RAPGEF6: variants seen among roughly 807,000 people sequenced by gnomAD.
The protein encoded by RAPGEF6 is PDZ domain containing guanine nucleotide exchange factor (GEF) 2.
RAPGEF6 carries 56 observed loss-of-function variants against 171.4 expected under a neutral mutation model. That is an observed-to-expected ratio of 0.33 (90% confidence interval 0.26 to 0.41). The LOEUF (loss-of-function observed/expected upper bound fraction) is 0.41. Ranked by LOEUF, RAPGEF6 falls within the 10% of genes least tolerant of loss-of-function variation. The pLI, the probability that RAPGEF6 is intolerant of heterozygous loss-of-function variation, is 1.00. For missense variants in RAPGEF6, 1,674 were observed against 1,921.4 expected (o/e 0.87, Z 2.41); for synonymous variants, 692 against 650.1 (o/e 1.06, Z -0.98).
At chr5:131,576,278 T>C (rs1762600982) in intron 4 of RAPGEF6, among the ~76,000 whole-genome samples, 2 of 152,210 alleles carry the variant, frequency 1.3e-5, no homozygotes, top group African/African-American at 2.4e-5. Flanking sequence ...TATGCTGTAG[T>C]GTCTTCCACA....
intron 11 of RAPGEF6, among the ~76,000 whole-genome samples, chr5:131,500,551 T>C (rs1756953326): frequency 6.6e-6 from 1 of 152,196 alleles, no homozygotes; most frequent in Non-Finnish European, 1.5e-5. Flanking sequence ...CTAAAATCTA[T>C]CTTACCTCAA....
At chr5:131,577,283 G>A (rs942725823) in intron 4 of RAPGEF6, among the ~76,000 whole-genome samples, 1 of 152,112 alleles carries the variant, frequency 6.6e-6, no homozygotes, top group African/African-American at 2.4e-5. Context: ...TAAATCTTCA[G>A]GAATGGTAGA....
At chr5:131,581,738 G>A (rs1366387721) in intron 4 of RAPGEF6, among the ~76,000 whole-genome samples, 1 of 152,074 alleles carries the variant, frequency 6.6e-6, no homozygotes, top group Non-Finnish European at 1.5e-5. Flanking sequence ...GCACACCATG[G>A]TCAAGTCATG....
chr5:131,571,875 A>G (rs1406567205), intron 4 of RAPGEF6, among the ~76,000 whole-genome samples: 1 of 152,054 alleles, frequency 6.6e-6, no homozygotes, highest in African/African-American at 2.4e-5. Context: ...AGCCTGTGAT[A>G]ATGTACCCTT....
intron 21 of RAPGEF6, among the ~76,000 whole-genome samples, chr5:131,447,581 A>C (rs1286110086): frequency 6.6e-6 from 1 of 152,184 alleles, no homozygotes; most frequent in Non-Finnish European, 1.5e-5. Flanking sequence ...ACAAATACAA[A>C]ATTCTTATAT....
chr5:131,572,707 T>C (rs943711453), intron 4 of RAPGEF6, among the ~76,000 whole-genome samples: 14 of 152,042 alleles, frequency 9.2e-5, no homozygotes, highest in Non-Finnish European at 1.8e-4. Flanking sequence ...GTCCTTAAAT[T>C]TACCTTCTCC....
At chr5:131,612,770 T>G (rs1337170534) in intron 1 of RAPGEF6, among the ~76,000 whole-genome samples, 1 of 152,204 alleles carries the variant, frequency 6.6e-6, no homozygotes, top group Non-Finnish European at 1.5e-5. Context: ...TTTCTAAGAC[T>G]CTCAACTAAA....
rs72787069 is a variant in RAPGEF6, at chr5:131,505,358, T to A, written c.1101+6A>T. Reference sequence around the variant, plus strand: ...CAAGAAGACTTGACCAAAGAGATAATCTTACCTGACAATCATCTACTTTAG... The same window carrying A: ...CAAGAAGACTTGACCAAAGAGATAAACTTACCTGACAATCATCTACTTTAG... On this transcript the variant is annotated splice_donor_region_variant and intron_variant, in intron 10 of 27. Transcript: ENST00000509018. 20,185 of 1,613,082 alleles carry A rather than the reference T, an allele frequency of 0.013. 161 individuals are homozygous for A. The highest frequency in any genetic ancestry group is 0.015 in the Non-Finnish European group (17,866 of 1,179,410).
intron 6 of RAPGEF6, among the ~76,000 whole-genome samples, chr5:131,545,346 C>T (rs1177731009): frequency 6.6e-6 from 1 of 151,820 alleles, no homozygotes; most frequent in Non-Finnish European, 1.5e-5. Context: ...CAGTTAACAT[C>T]TTTAATTTTT....
chr5:131,476,581 C>T (rs1348302940), intron 16 of RAPGEF6, among the ~76,000 whole-genome samples: 2 of 152,182 alleles, frequency 1.3e-5, no homozygotes, highest in Non-Finnish European at 1.5e-5. Flanking sequence ...CTGCCTCAGC[C>T]TCCCGAGTAA....
intron 4 of RAPGEF6, among the ~76,000 whole-genome samples, chr5:131,587,054 C>T (rs1259050029): frequency 6.6e-6 from 1 of 152,224 alleles, no homozygotes; most frequent in Non-Finnish European, 1.5e-5. Context: ...AGGTGGGAAG[C>T]ATACTAGCAG....
intron 4 of RAPGEF6, among the ~76,000 whole-genome samples, chr5:131,584,068 G>T (rs1459429103): frequency 6.6e-6 from 1 of 152,176 alleles, no homozygotes; most frequent in Admixed American, 6.5e-5. Context: ...TTACAAAGTG[G>T]CATGAGGAAA....
Position 131,446,699 on chromosome 5 carries a change from G to C in RAPGEF6, c.3205C>G (p.Leu1069Val). The change falls in exon 22 of 28, where the codon CTG becomes GTG. Residue 1069 changes from leucine to valine, a missense_variant. Around this residue, in one of 3 missense-constraint regions of RAPGEF6, gnomAD observed 1,116 missense variants for 1,321.5 expected, o/e 0.84. Coordinates refer to ENST00000509018, the MANE Select transcript of RAPGEF6 (RefSeq NM_016340.6). ...DPAMMFRQRS[L>V]SQGSTNSNML... ...TTTGAATTTGTGCTTCCTTGACTCA[G>C]TGACCTATAAGAAGATGAAAATCAC... The C allele has an allele frequency of 6.2e-7, 1 of 1,613,290 alleles. No individual in the cohort carries two copies.
At chr5:131,448,714 A>G (rs763928581) in intron 21 of RAPGEF6, among the ~76,000 whole-genome samples, 2 of 152,250 alleles carry the variant, frequency 1.3e-5, no homozygotes, top group Non-Finnish European at 2.9e-5. Context: ...CTGATATAAA[A>G]TAAATATACC....
rs1275620941 is a variant in RAPGEF6, at chr5:131,508,075, T to C, written c.938A>G (p.Gln313Arg). The stretch of plus-strand genomic sequence containing the variant: ...GTAATTTATTTATTGACCTACCTCT[T>C]GCCCATCTTCAAGAATAATAGCTCC... Reference protein sequence around the residue: ...QAGAIILEDGQELDSWYVILN... With the variant: ...QAGAIILEDGRELDSWYVILN... The change falls in exon 9 of 28, where the codon CAA becomes CGA. Residue 313 changes from glutamine (Q) to arginine (R), a missense_variant. Coordinates refer to ENST00000509018, the MANE Select transcript of RAPGEF6 (RefSeq NM_016340.6). The C allele has an allele frequency of 6.2e-7, 1 of 1,601,468 alleles. No homozygotes were observed. The highest frequency in any genetic ancestry group is 8.5e-7 in the Non-Finnish European group (1 of 1,173,902).
chr5:131,570,072 C>CAAAAAAA (rs1762186795), intron 4 of RAPGEF6, among the ~76,000 whole-genome samples: 1 of 135,156 alleles, frequency 7.4e-6, no homozygotes. Flanking sequence ...AAAAAAAAGC[C>CAAAAAAA]AGAGACTGAG....
intron 6 of RAPGEF6, among the ~76,000 whole-genome samples, chr5:131,526,124 A>C (rs1758857517): frequency 6.6e-6 from 1 of 152,170 alleles, no homozygotes; most frequent in African/African-American, 2.4e-5. Context: ...CCCTGCCTTC[A>C]AGGAGCTCAG....
chr5:131,627,255 T>C (rs575974446), intron 1 of RAPGEF6, among the ~76,000 whole-genome samples: 144 of 152,298 alleles, frequency 9.5e-4, no homozygotes, highest in African/African-American at 3.4e-3. Context: ...GGTTGATATA[T>C]GAAGCTGAAG....
At chr5:131,468,756 G>A (rs896339367) in intron 17 of RAPGEF6, among the ~76,000 whole-genome samples, 1 of 152,040 alleles carries the variant, frequency 6.6e-6, no homozygotes, top group South Asian at 2.1e-4. Flanking sequence ...GAGTAAACAC[G>A]AGCTCGACGA....
Sources: gnomAD v4.1 joint callset for allele counts (sites outside exome capture counted in the v4.1 genomes callset) on GRCh38, gnomAD v4.1.1 for gene constraint, gnomAD v4.1.1 regional missense constraint, MANE v1.5 for transcripts, NCBI Gene and HGNC (gene_info 2026-07-23, HGNC 2026-07-21) for gene names.